The following CNBD1 variants were observed in gnomAD, a reference collection of about 807,000 sequenced individuals.
CNBD1 encodes cyclic nucleotide binding domain containing 1, also known as cyclic nucleotide-binding domain-containing protein 1.
A neutral mutation model predicts 54.4 loss-of-function variants in CNBD1; 71 were observed. The observed-to-expected ratio is 1.30, with a 90% CI of 1.08 to 1.59. The LOEUF (loss-of-function observed/expected upper bound fraction) is 1.59, where lower values mean the gene tolerates loss of function less well. CNBD1 is among the 40% of genes most tolerant of loss of function. The pLI is 0.00. For missense variants in CNBD1, 659 were observed against 518.0 expected (o/e 1.27, Z -2.64); for synonymous variants, 182 against 170.7 (o/e 1.07, Z -0.51).
intron 4 of CNBD1, among the ~76,000 whole-genome samples, chr8:87,002,922 A>C (rs1809022594): frequency 6.6e-6 from 1 of 152,188 alleles, no homozygotes; most frequent in South Asian, 2.1e-4. Flanking sequence ...GTTTGTAAAA[A>C]AATATTTATT....
At chr8:87,201,187 C>A (rs1813852198) in intron 4 of CNBD1, among the ~76,000 whole-genome samples, 4 of 151,892 alleles carry the variant, frequency 2.6e-5, no homozygotes. Context: ...AAATCCAACA[C>A]CCATTCATGA....
intron 2 of CNBD1, among the ~76,000 whole-genome samples, chr8:87,410,748 G>C (rs1807727100): frequency 6.6e-6 from 1 of 152,108 alleles, no homozygotes; most frequent in Admixed American, 6.6e-5. Context: ...TTTTGTGAAA[G>C]GAAGAGTCAG....
chr8:87,102,910 G>A (rs974511422), intron 4 of CNBD1, among the ~76,000 whole-genome samples: 5 of 152,186 alleles, frequency 3.3e-5, no homozygotes, highest in Admixed American at 6.5e-5. Context: ...CACAGCGCTC[G>A]GCCACAGGAC....
At chr8:87,426,212 G>A (rs920222330) in intron 2 of CNBD1, among the ~76,000 whole-genome samples, 18 of 152,254 alleles carry the variant, frequency 1.2e-4, no homozygotes, top group African/African-American at 3.1e-4. Flanking sequence ...ACCTGCGCCC[G>A]CTGTCTGGCA....
At chr8:87,270,356 G>T (rs1808337097) in intron 6 of CNBD1, among the ~76,000 whole-genome samples, 1 of 151,538 alleles carries the variant, frequency 6.6e-6, no homozygotes, top group Admixed American at 6.6e-5. Flanking sequence ...ACAAGCATAT[G>T]AAAAAAAACT....
intron 4 of CNBD1, among the ~76,000 whole-genome samples, chr8:86,951,874 C>T (rs187796696): frequency 6.6e-6 from 1 of 152,106 alleles, no homozygotes; most frequent in Admixed American, 6.5e-5. Flanking sequence ...GTACTTAGGG[C>T]AAACCTGCTC....
At chr8:87,079,178 T>C (rs1256482281) in intron 4 of CNBD1, among the ~76,000 whole-genome samples, 1 of 152,122 alleles carries the variant, frequency 6.6e-6, no homozygotes, top group Non-Finnish European at 1.5e-5. Flanking sequence ...ATCCAAGTTT[T>C]GTGGTAATCT....
intron 10 of CNBD1, among the ~76,000 whole-genome samples, chr8:87,357,371 G>A (rs1810439873): frequency 1.3e-5 from 2 of 152,274 alleles, no homozygotes; most frequent in East Asian, 1.9e-4. Context: ...AAGAAGCCAC[G>A]TGGGCTGCAT....
intron 4 of CNBD1, among the ~76,000 whole-genome samples, chr8:86,980,690 C>G (rs1808467453): frequency 6.6e-6 from 1 of 152,038 alleles, no homozygotes; most frequent in Admixed American, 6.5e-5. Flanking sequence ...AAGGGATTTG[C>G]AAAAATCTCA....
At chr8:86,960,484 G>C (rs1299111763) in intron 4 of CNBD1, among the ~76,000 whole-genome samples, 2 of 152,128 alleles carry the variant, frequency 1.3e-5, no homozygotes, top group Non-Finnish European at 2.9e-5. Flanking sequence ...AAAGTGGCCG[G>C]GAAGCTTGAA....
At chr8:87,346,434 C>A (rs966378782) in intron 8 of CNBD1, among the ~76,000 whole-genome samples, 8 of 151,648 alleles carry the variant, frequency 5.3e-5, no homozygotes, top group Non-Finnish European at 8.8e-5. Context: ...TATATTTTTT[C>A]TAAAATTTCT....
At chr8:87,111,715 T>C (rs1811666356) in intron 4 of CNBD1, among the ~76,000 whole-genome samples, 1 of 152,214 alleles carries the variant, frequency 6.6e-6, no homozygotes, top group Non-Finnish European at 1.5e-5. Flanking sequence ...CGTTCAGTGC[T>C]CATGTATCCT....
At position 87,163,230 on chromosome 8, in the gene CNBD1, A is replaced by G. The variant is rs1812893506; in HGVS notation, c.432-42763A>G. On this transcript the variant is annotated intron_variant, in intron 4 of 10. Transcript: ENST00000518476. The surrounding 1 kb of genome is among the most constrained non-coding windows in gnomAD (Gnocchi z 4.5). ...ATCTCATTTCTGAGATAAGCTTTGT[A>G]ACATAATTTGAAATCAGGAAGTGTG... Among the ~76,000 whole-genome samples the G allele has an allele frequency of 6.6e-6, 1 of 152,076 alleles. No homozygotes were observed. The highest frequency in any genetic ancestry group is 2.4e-5 in the African/African-American group (1 of 41,442).
At chr8:87,002,713 C>G (rs1809018220) in intron 4 of CNBD1, among the ~76,000 whole-genome samples, 3 of 151,888 alleles carry the variant, frequency 2.0e-5, no homozygotes, top group African/African-American at 7.3e-5. Flanking sequence ...CCAACTCTGC[C>G]TTCTTCATCC....
intron 4 of CNBD1, among the ~76,000 whole-genome samples, chr8:87,106,202 C>T (rs561048518): frequency 0.015 from 2,067 of 142,328 alleles, 48 homozygotes; most frequent in African/African-American, 0.05. Flanking sequence ...TTTTCTTTTT[C>T]TTTTCTTTTC....
At chr8:86,950,878 G>A (rs1193328858) in intron 4 of CNBD1, among the ~76,000 whole-genome samples, 2 of 152,072 alleles carry the variant, frequency 1.3e-5, no homozygotes, top group African/African-American at 2.4e-5. Context: ...TAAGTTTTAT[G>A]TGTCTAGGAG....
At chr8:87,053,312 C>T (rs1420503964) in intron 4 of CNBD1, among the ~76,000 whole-genome samples, 2 of 152,186 alleles carry the variant, frequency 1.3e-5, no homozygotes, top group Non-Finnish European at 2.9e-5. Flanking sequence ...GGCCTGTCTG[C>T]CCTGCAGTTG....
intron 4 of CNBD1, among the ~76,000 whole-genome samples, chr8:86,941,900 C>T (rs1563830798): frequency 6.6e-6 from 1 of 152,134 alleles, no homozygotes; most frequent in Non-Finnish European, 1.5e-5. Context: ...CTTCCTCACT[C>T]ATGTGTGAGA....
At chr8:86,869,375 C>T (rs1279090967) in intron 1 of CNBD1, among the ~76,000 whole-genome samples, 1 of 151,676 alleles carries the variant, frequency 6.6e-6, no homozygotes, top group African/African-American at 2.4e-5. Flanking sequence ...GGCAGCATTC[C>T]GGGTTGCCCC....
Sources: gnomAD v4.1 joint callset for allele counts (sites outside exome capture counted in the v4.1 genomes callset) on GRCh38, gnomAD v4.1.1 for gene constraint, Gnocchi (gnomAD v3.1) non-coding constraint, MANE v1.5 for transcripts, NCBI Gene and HGNC (gene_info 2026-07-23, HGNC 2026-07-21) for gene names.